ANK2: variants seen among roughly 807,000 people sequenced by gnomAD.
The protein encoded by ANK2 is ankyrin 2, also known as ankyrin-2.
In ANK2, 83 loss-of-function variants were observed where a neutral mutation model predicts 360.5. The observed-to-expected ratio is 0.23, with a 90% confidence interval of 0.19 to 0.28. The LOEUF (loss-of-function observed/expected upper bound fraction) is 0.28, where lower values mean the gene tolerates loss of function less well. ANK2 is among the 10% of genes least tolerant of loss of function. The probability of loss-of-function intolerance (pLI) is 1.00; values close to 1 mark genes in which losing one functional copy is unlikely to be tolerated. For missense variants in ANK2, 4,201 were observed against 4,795.7 expected, an observed-to-expected ratio of 0.88 and a Z score of 3.66; for synonymous variants, 1,740 against 1,759.5, an observed-to-expected ratio of 0.99 and a Z score of 0.28.
At chr4:112,909,051 G>A (rs1008262096) in intron 2 of ANK2, among the ~76,000 whole-genome samples, 2 of 152,226 alleles carry the variant, frequency 1.3e-5, no homozygotes, top group African/African-American at 4.8e-5. Context: ...CCACTGGGAC[G>A]ACTGGAAGAA....
chr4:112,958,402 G>A (rs1337443861), intron 2 of ANK2, among the ~76,000 whole-genome samples: 2 of 152,232 alleles, frequency 1.3e-5, no homozygotes, highest in Non-Finnish European at 1.5e-5. Flanking sequence ...GACCAGCCCG[G>A]CCAACACAGC....
At chr4:113,219,821 C>T (rs2099129721) in intron 4 of ANK2, among the ~76,000 whole-genome samples, 3 of 152,260 alleles carry the variant, frequency 2.0e-5, no homozygotes, top group Admixed American at 2.0e-4. Flanking sequence ...CCCTTATAAA[C>T]TAATGGCAGT....
chr4:112,919,744 G>A (rs757474008), intron 2 of ANK2, among the ~76,000 whole-genome samples: 1 of 152,066 alleles, frequency 6.6e-6, no homozygotes, highest in Non-Finnish European at 1.5e-5. Flanking sequence ...TGCAAATGTA[G>A]CAAAGTGTTG....
intron 3 of ANK2, 51 bp from the exon 4 acceptor site, chr4:113,198,960 C>G (rs1482341955): frequency 1.3e-6 from 2 of 1,488,510 alleles, no homozygotes; most frequent in Admixed American, 1.7e-5. Flanking sequence ...ATTTTGATTT[C>G]TGCAAAATTC....
chr4:113,170,528 A>G (rs1191995304), intron 1 of ANK2, among the ~76,000 whole-genome samples: 2 of 152,224 alleles, frequency 1.3e-5, no homozygotes, highest in African/African-American at 4.8e-5. Context: ...GTAGCCATGT[A>G]GAGGACCTGG....
chr4:112,875,743 G>A (rs535567068), intron 1 of ANK2, among the ~76,000 whole-genome samples: 8 of 151,086 alleles, frequency 5.3e-5, no homozygotes, highest in Non-Finnish European at 8.9e-5. Flanking sequence ...TTTTTTGTTT[G>A]TTTGTTTGTT....
chr4:112,803,772 T>G, the ANK2 span, among the ~76,000 whole-genome samples: 1 of 152,230 alleles, frequency 6.6e-6, no homozygotes, highest in Non-Finnish European at 1.5e-5. Flanking sequence ...AGACTATGTC[T>G]TAATCTCTGT....
At chr4:113,157,325 G>T (rs2097339464) in intron 1 of ANK2, among the ~76,000 whole-genome samples, 1 of 152,198 alleles carries the variant, frequency 6.6e-6, no homozygotes, top group African/African-American at 2.4e-5. Flanking sequence ...ATATGAGCTA[G>T]TAACAGTCTA....
intron 22 of ANK2, among the ~76,000 whole-genome samples, chr4:113,299,858 A>G (rs542774330): frequency 7.9e-5 from 12 of 152,246 alleles, no homozygotes; most frequent in Admixed American, 5.9e-4. Flanking sequence ...CCACCTAAGG[A>G]ACCTTTAAAA....
chr4:112,809,913 CTGTTT>C, the ANK2 span, among the ~76,000 whole-genome samples: 2 of 150,680 alleles, frequency 1.3e-5, no homozygotes, highest in African/African-American at 4.9e-5. Context: ...GAGAAATGTT[CTGTTT>C]TATTACATTT....
intron 15 of ANK2, among the ~76,000 whole-genome samples, chr4:113,276,737 A>C (rs3025727): frequency 6.6e-6 from 1 of 152,234 alleles, no homozygotes; most frequent in African/African-American, 2.4e-5. Flanking sequence ...AAGCAAAAAG[A>C]AAAACGTCAT....
At chr4:112,966,861 C>T (rs2037481738) in intron 2 of ANK2, among the ~76,000 whole-genome samples, 1 of 152,068 alleles carries the variant, frequency 6.6e-6, no homozygotes, top group Admixed American at 6.5e-5. Context: ...CCTTCTGACC[C>T]TCTCCTTTCA....
chr4:112,757,047 C>T, the ANK2 span, among the ~76,000 whole-genome samples: 1 of 151,778 alleles, frequency 6.6e-6, no homozygotes, highest in Non-Finnish European at 1.5e-5. Context: ...AAAAATTGTT[C>T]TTACATCACC....
intron 2 of ANK2, among the ~76,000 whole-genome samples, chr4:113,029,133 G>A (rs1186907009): frequency 1.3e-5 from 2 of 152,102 alleles, no homozygotes; most frequent in East Asian, 3.9e-4. Flanking sequence ...ATATACATAA[G>A]TGTGGATTAT....
intron 2 of ANK2, among the ~76,000 whole-genome samples, chr4:113,039,487 C>T (rs1425116487): frequency 2.0e-5 from 3 of 151,900 alleles, no homozygotes; most frequent in African/African-American, 7.2e-5. Context: ...ACTTGTAATG[C>T]CTGAAACATC....
chr4:113,176,980 A>G (rs1288930511), intron 2 of ANK2, among the ~76,000 whole-genome samples: 1 of 152,286 alleles, frequency 6.6e-6, no homozygotes, highest in African/African-American at 2.4e-5. Flanking sequence ...TTATGGCTGC[A>G]TAGTATTCCA....
chr4:113,311,184 A>G, intron 23 of ANK2, 71 bp from the exon 24 acceptor site: 1 of 1,598,832 alleles, frequency 6.3e-7, no homozygotes, highest in Non-Finnish European at 8.6e-7. Context: ...GCATTTCACA[A>G]TCATGACCAT....
intron 1 of ANK2, among the ~76,000 whole-genome samples, chr4:112,853,923 G>A (rs1055619295): frequency 3.9e-5 from 6 of 152,126 alleles, no homozygotes; most frequent in South Asian, 2.1e-4. Context: ...ATAAACAAAC[G>A]TTTAATAATC....
At chr4:112,775,515 TCA>T in the ANK2 span, among the ~76,000 whole-genome samples, 183 of 118,156 alleles carry the variant, frequency 1.5e-3, no homozygotes, top group Non-Finnish European at 2.4e-3. Flanking sequence ...CTAAGCTCCA[TCA>T]CACACACACA....
Sources: gnomAD v4.1 joint callset for allele counts (sites outside exome capture counted in the v4.1 genomes callset) on GRCh38, gnomAD v4.1.1 for gene constraint, MANE v1.5 for transcripts, NCBI Gene and HGNC (gene_info 2026-07-23, HGNC 2026-07-21) for gene names.